The following CSMD1 variants were observed in gnomAD, a reference collection of about 807,000 sequenced individuals.
The protein encoded by CSMD1 is CUB and sushi domain-containing protein 1.
A neutral mutation model predicts 417.5 loss-of-function variants in CSMD1; 213 were observed. That is an observed-to-expected ratio of 0.51 (90% CI 0.46 to 0.57). The LOEUF is 0.57. Among genes scored for constraint, CSMD1 ranks in the 20% least tolerant of loss-of-function variants. The pLI is 0.00. For missense variants in CSMD1, 6,923 were observed against 4,529.7 expected (o/e 1.53, Z -15.17); for synonymous variants, 2,862 against 1,736.8 (o/e 1.65, Z -16.11).
chr8:4,458,571 T>C lies in CSMD1; in HGVS notation c.303-38506A>G, dbSNP rs140182676. 4.3e-4 allele frequency among the ~76,000 whole-genome samples: 65 copies of C among 152,222 alleles called. No homozygotes were observed. In the East Asian group the frequency reaches 6.2e-3, roughly 15 times the overall value. The stretch of plus-strand genomic sequence containing the variant: ...GTTAACTGTTACTCTTTGAAAGACA[T>C]TGTAACAGTAAATACAAGGAAAAAA... On this transcript the variant is annotated intron_variant, in intron 2 of 69. Transcript: ENST00000635120.
chr8:4,804,785 A>T (rs1455418219), intron 1 of CSMD1, among the ~76,000 whole-genome samples: 2 of 152,354 alleles, frequency 1.3e-5, no homozygotes, highest in African/African-American at 4.8e-5. Flanking sequence ...TTTACATGAT[A>T]CAATTTATTC....
At chr8:4,186,061 C>A (rs3849837) in intron 3 of CSMD1, among the ~76,000 whole-genome samples, 6 of 152,038 alleles carry the variant, frequency 3.9e-5, no homozygotes, top group Non-Finnish European at 7.3e-5. Context: ...GGATTCTGCA[C>A]GTGTGGAAGA....
chr8:3,987,968 G>A (rs1251251296), intron 5 of CSMD1, among the ~76,000 whole-genome samples: 1 of 152,154 alleles, frequency 6.6e-6, no homozygotes, highest in Admixed American at 6.5e-5. Flanking sequence ...AAAGGAAACT[G>A]CTCAACTTTT....
chr8:3,170,141 G>C (rs947439065), intron 37 of CSMD1, among the ~76,000 whole-genome samples: 1 of 152,196 alleles, frequency 6.6e-6, no homozygotes, highest in Non-Finnish European at 1.5e-5. Context: ...AAGTAAATTT[G>C]CTTTGCTGAG....
chr8:4,840,673 C>T (rs1023821749), intron 1 of CSMD1, among the ~76,000 whole-genome samples: 2 of 152,150 alleles, frequency 1.3e-5, no homozygotes, highest in Non-Finnish European at 2.9e-5. Flanking sequence ...AAAAAAGGTG[C>T]CTGTTATTAC....
chr8:3,792,624 A>T (rs898074881), intron 5 of CSMD1, among the ~76,000 whole-genome samples: 1 of 152,192 alleles, frequency 6.6e-6, no homozygotes, highest in African/African-American at 2.4e-5. Context: ...ACAAATCATG[A>T]CAGGCAGTAA....
chr8:3,963,756 A>C (rs1812488220), intron 5 of CSMD1, among the ~76,000 whole-genome samples: 2 of 152,346 alleles, frequency 1.3e-5, no homozygotes, highest in Admixed American at 1.3e-4. Flanking sequence ...TGAATATCAC[A>C]ATAGTATAGT....
chr8:4,369,389 A>G (rs941838039), intron 3 of CSMD1, among the ~76,000 whole-genome samples: 6 of 152,176 alleles, frequency 3.9e-5, no homozygotes, highest in African/African-American at 1.4e-4. Context: ...ACTGTGTGCC[A>G]TGTGCAGGTA....
rs1033561803 is a variant in CSMD1, at chr8:3,085,600, T to C, written c.7474+1497A>G. Among the ~76,000 whole-genome samples, 5 of 152,316 alleles carry C rather than the reference T, an allele frequency of 3.3e-5. No homozygotes were observed. The South Asian group carries it at 6.2e-4, about 19-fold the overall frequency. On this transcript the variant is annotated intron_variant, in intron 49 of 69. Transcript: ENST00000635120. ...CTGTAAAGATGTCAGAAGAGCCTCA[T>C]TTGCAGTGTGCACTATTTGTATTTC...
intron 5 of CSMD1, among the ~76,000 whole-genome samples, chr8:3,810,722 G>A (rs951766042): frequency 2.6e-5 from 4 of 152,150 alleles, no homozygotes; most frequent in South Asian, 2.1e-4. Context: ...CATTGAATTT[G>A]TTATGAAAAA....
chr8:4,931,878 T>G (rs553643879), intron 1 of CSMD1, among the ~76,000 whole-genome samples: 22 of 152,328 alleles, frequency 1.4e-4, no homozygotes, highest in Non-Finnish European at 2.1e-4. Flanking sequence ...AGTTTATTGA[T>G]TGTTATATGG....
chr8:3,387,751 C>G, intron 17 of CSMD1, 69 bp from the exon 18 acceptor site: 3 of 1,227,482 alleles, frequency 2.4e-6, no homozygotes, highest in Non-Finnish European at 3.4e-6. Context: ...GAGACCCACG[C>G]CATCAACTAC....
rs1459786309 is a variant in CSMD1, at chr8:3,417,910, C to G, written c.1562-8305G>C. Reference sequence around the variant, plus strand: ...CCCGGCATTACTGAAAACCATATGACACAGCACAACCCAGCACTTGGACAG... The same window carrying G: ...CCCGGCATTACTGAAAACCATATGAGACAGCACAACCCAGCACTTGGACAG... On this transcript the variant is annotated intron_variant, in intron 12 of 69. Transcript: ENST00000635120. 2.0e-5 allele frequency among the ~76,000 whole-genome samples: 3 copies of G among 152,178 alleles called. No homozygotes were observed. In the East Asian group the frequency reaches 5.8e-4, roughly 29 times the overall value.
At chr8:3,103,534 G>A (rs969763929) in intron 46 of CSMD1, among the ~76,000 whole-genome samples, 17 of 151,950 alleles carry the variant, frequency 1.1e-4, no homozygotes, top group African/African-American at 3.4e-4. Flanking sequence ...GCGTGGCCCC[G>A]TAGTACTGCA....
At chr8:2,977,528 G>A (rs531662020) in intron 55 of CSMD1, among the ~76,000 whole-genome samples, 1 of 152,278 alleles carries the variant, frequency 6.6e-6, no homozygotes, top group African/African-American at 2.4e-5. Context: ...TTGATTCCAT[G>A]TGTGGTTATT....
chr8:4,119,479 T>C (rs1212271125), intron 3 of CSMD1, among the ~76,000 whole-genome samples: 1 of 152,196 alleles, frequency 6.6e-6, no homozygotes, highest in Non-Finnish European at 1.5e-5. Flanking sequence ...AACCCATTGG[T>C]TAAACTCGTA....
At chr8:4,421,072 T>C (rs747665596) in intron 2 of CSMD1, among the ~76,000 whole-genome samples, 5 of 152,154 alleles carry the variant, frequency 3.3e-5, no homozygotes, top group Non-Finnish European at 7.3e-5. Context: ...TTTTTTCCCA[T>C]TGGATGCCAA....
Position 3,511,622 on chromosome 8 carries a change from G to C in CSMD1, c.1345-17896C>G, listed in dbSNP as rs138794570. Among the ~76,000 whole-genome samples, 971 of 151,544 alleles carry C rather than the reference G, an allele frequency of 6.4e-3. 7 individuals carry two copies. Among genetic ancestry groups the C allele is most frequent in the Non-Finnish European group, 0.01 (682 of 68,016 alleles). Reference sequence around the variant, plus strand: ...TATGAAAAAAGATTAGCTGGGCATGGTAGCAGATGTCTGTGATCCCAGCTA... The same window carrying C: ...TATGAAAAAAGATTAGCTGGGCATGCTAGCAGATGTCTGTGATCCCAGCTA... On this transcript the variant is annotated intron_variant, in intron 10 of 69. Transcript: ENST00000635120.
At chr8:4,280,726 T>A (rs1035047158) in intron 3 of CSMD1, among the ~76,000 whole-genome samples, 74 of 152,346 alleles carry the variant, frequency 4.9e-4, no homozygotes, top group African/African-American at 1.7e-3. Flanking sequence ...AAGCCATAAA[T>A]ATAATTGTAC....
Sources: allele counts gnomAD v4.1 joint callset (sites outside exome capture counted in the v4.1 genomes callset), GRCh38; gene constraint gnomAD v4.1.1; transcripts MANE v1.5; gene names NCBI Gene and HGNC (gene_info 2026-07-23, HGNC 2026-07-21).